The following PRKDC variants were observed in gnomAD, a reference collection of about 807,000 sequenced individuals.
The protein encoded by PRKDC is protein kinase, DNA-activated, catalytic subunit, also known as DNA-dependent protein kinase catalytic subunit.
PRKDC carries 82 observed loss-of-function variants against 486.9 expected under a neutral mutation model. The observed-to-expected ratio is 0.17, with a 90% CI of 0.14 to 0.20. PRKDC has a LOEUF of 0.20. Ranked by LOEUF, PRKDC falls within the 10% of genes least tolerant of loss-of-function variation. The pLI is 1.00. For missense variants in PRKDC, 4,504 were observed against 5,038.2 expected (o/e 0.89, Z 3.21); for synonymous variants, 1,895 against 1,837.0 (o/e 1.03, Z -0.81).
In PRKDC at chr8:47,782,416, C is replaced by T; in HGVS notation, c.11358G>A (p.Leu3786=). 6.2e-7 allele frequency: 1 copy of T among 1,603,122 alleles called. No homozygotes were observed. Among genetic ancestry groups the T allele is most frequent in the Non-Finnish European group, 8.5e-7 (1 of 1,175,550 alleles). The change falls in exon 79 of 86, where the codon CTG becomes CTA. Residue 3786 remains leucine (L), a synonymous_variant. Coordinates refer to ENST00000314191, the MANE Select transcript of PRKDC (RefSeq NM_006904.7). This position sits in a 1 kb window ranked among gnomAD's most constrained non-coding sequence, Gnocchi z 4.9. ...AQDSACSQRA[L]QLRTYSVVPM... is the part of the protein sequence containing the mutation. The stretch of plus-strand genomic sequence containing the variant: ...GCACAACGCTATAGGTCCTCAGCTG[C>T]AGGGCCCTCTGGCTGCAGGCGGAGT...
At chr8:47,856,471 C>G (rs1209646039) in intron 49 of PRKDC, among the ~76,000 whole-genome samples, 2 of 152,190 alleles carry the variant, frequency 1.3e-5, no homozygotes, top group Admixed American at 6.5e-5. Flanking sequence ...CTTAAGTGAT[C>G]TGCCTGCCTT....
At chr8:47,780,434 G>GAT (rs770551836) in intron 80 of PRKDC, among the ~76,000 whole-genome samples, 2 of 152,202 alleles carry the variant, frequency 1.3e-5, no homozygotes. Flanking sequence ...GAAACAATGT[G>GAT]ATACACGTAT....
intron 74 of PRKDC, among the ~76,000 whole-genome samples, chr8:47,791,681 T>C (rs1430872479): frequency 3.3e-5 from 5 of 152,030 alleles, no homozygotes; most frequent in African/African-American, 4.8e-5. Flanking sequence ...CACAACGAGG[T>C]ATCATCTCAC....
intron 68 of PRKDC, among the ~76,000 whole-genome samples, chr8:47,815,572 G>A (rs1422898375): frequency 1.3e-5 from 2 of 152,126 alleles, no homozygotes; most frequent in South Asian, 2.1e-4. Flanking sequence ...AAATAAATAA[G>A]GACAGTATAG....
intron 45 of PRKDC, 44 bp downstream of exon 45, chr8:47,860,855 C>T: frequency 6.2e-6 from 9 of 1,450,374 alleles, no homozygotes; most frequent in Non-Finnish European, 8.6e-6. Flanking sequence ...AACAAAATAA[C>T]CCATCGATTT....
At chr8:47,852,197 T>C (rs1423058681) in intron 52 of PRKDC, among the ~76,000 whole-genome samples, 1 of 152,170 alleles carries the variant, frequency 6.6e-6, no homozygotes, top group Non-Finnish European at 1.5e-5. Flanking sequence ...ACTTAAACGT[T>C]CAGTTAGGCT....
At chr8:47,912,067 G>A (rs1009627608) in intron 25 of PRKDC, among the ~76,000 whole-genome samples, 13 of 152,010 alleles carry the variant, frequency 8.6e-5, no homozygotes, top group Non-Finnish European at 1.3e-4. Flanking sequence ...CACCGCGCGC[G>A]GCCCATGGTT....
At chr8:47,922,312 T>G (rs1366158903) in intron 21 of PRKDC, among the ~76,000 whole-genome samples, 1 of 151,928 alleles carries the variant, frequency 6.6e-6, no homozygotes, top group African/African-American at 2.4e-5. Context: ...TTTAAAATTT[T>G]TGTAACGAAA....
chr8:47,942,769 A>G (rs1231808227), intron 10 of PRKDC, among the ~76,000 whole-genome samples: 4 of 152,224 alleles, frequency 2.6e-5, no homozygotes, highest in Admixed American at 6.5e-5. Context: ...ACGCAGGTAC[A>G]GATTCTGTAA....
chr8:47,820,693 C>CAT (rs1056039787), intron 66 of PRKDC, 26 bp downstream of exon 66: 46 of 1,118,112 alleles, frequency 4.1e-5, no homozygotes, highest in Middle Eastern at 2.8e-4. Context: ...TATATACAAG[C>CAT]ATATATATAT....
At chr8:47,958,511 A>G (rs1382278844) in intron 1 of PRKDC, among the ~76,000 whole-genome samples, 1 of 152,166 alleles carries the variant, frequency 6.6e-6, no homozygotes, top group African/African-American at 2.4e-5. Context: ...GAACTAATAC[A>G]CTTCCCCTGG....
Position 47,890,336 on chromosome 8 carries a change from T to A in PRKDC, c.3992A>T (p.Asn1331Ile). The change falls in exon 32 of 86, where the codon AAC becomes ATC. Residue 1331 changes from asparagine to isoleucine, a missense_variant. This residue lies in a region of PRKDC where 1,969 missense variants were observed against 2,068.9 expected (regional missense o/e 0.95). Coordinates refer to ENST00000314191, the MANE Select transcript of PRKDC (RefSeq NM_006904.7). ...RTSPQEGERY[N>I]YSKCTVVVRI... ...GACCACAACGGTGCATTTGCTGTAG[T>A]TGTACCTTTCTCCCTCTTGTGGGCT... The A allele has an allele frequency of 2.5e-6, 4 of 1,613,564 alleles. No homozygotes were observed. The highest frequency in any genetic ancestry group is 3.4e-6 in the Non-Finnish European group (4 of 1,179,810).
At chr8:47,909,955 C>A (rs1053023296) in intron 25 of PRKDC, among the ~76,000 whole-genome samples, 1 of 152,124 alleles carries the variant, frequency 6.6e-6, no homozygotes, top group Non-Finnish European at 1.5e-5. Context: ...TTTTGCCTTG[C>A]CTTGTGACCT....
At chr8:47,918,515 C>T (rs1341589214) in intron 21 of PRKDC, 132 bp from the exon 22 acceptor site, 9 of 573,714 alleles carry the variant, frequency 1.6e-5, no homozygotes, top group Middle Eastern at 4.5e-4. Flanking sequence ...AATTAAGTTT[C>T]TAAAACAAAA....
At chr8:47,911,772 A>AT (rs1563799847) in intron 25 of PRKDC, among the ~76,000 whole-genome samples, 2 of 151,264 alleles carry the variant, frequency 1.3e-5, no homozygotes, top group African/African-American at 2.4e-5. Flanking sequence ...TTATTTATTT[A>AT]TTTATTTTTT....
At position 47,900,437 on chromosome 8, in the gene PRKDC, C is replaced by T. The variant is rs1436331581; in HGVS notation, c.3300G>A (p.Val1100=). The T allele has an allele frequency of 1.9e-6, 3 of 1,611,178 alleles. No individual in the cohort carries two copies. In the East Asian group the frequency reaches 6.7e-5, roughly 36 times the overall value. Residue 1100 remains valine (V), a synonymous_variant, in exon 28 of 86, where the codon GTG becomes GTA. Transcript: ENST00000314191. ...REEESLVEQF[V]FEALVIYMES... is the part of the protein sequence containing the mutation. ...CCATGTATATCACCAAGGCTTCAAA[C>T]ACAAACTGTTCCACCAGAGACTCTT...
chr8:47,822,176 C>T (rs1029865118), intron 64 of PRKDC, among the ~76,000 whole-genome samples: 1 of 152,076 alleles, frequency 6.6e-6, no homozygotes, highest in Non-Finnish European at 1.5e-5. Flanking sequence ...ACCTGCAGTC[C>T]CAGCTACTTG....
chr8:47,799,223 T>C lies in PRKDC; in HGVS notation c.10284A>G (p.Glu3428=). Residue 3428 remains glutamate (E), a synonymous_variant, in exon 72 of 86, where the codon GAA becomes GAG. Transcript: ENST00000314191. The part of the protein sequence containing the change: ...DFCDQQLRKE[E]ENASVIDSAE... ...TTTTCAATTCACCTGATGCATTCTC[T>C]TCCTCCTTGCGCAGCTGTTGGTCAC... 6.2e-7 allele frequency: 1 copy of C among 1,613,882 alleles called. No homozygotes were observed. The highest frequency in any genetic ancestry group is 8.5e-7 in the Non-Finnish European group (1 of 1,179,840).
chr8:47,955,732 A>G (rs1200129552), intron 4 of PRKDC, 142 bp downstream of exon 4: 9 of 606,196 alleles, frequency 1.5e-5, no homozygotes, highest in Non-Finnish European at 2.5e-5. Flanking sequence ...ATGGTTGGAG[A>G]ATGTGCATCT....
Sources: allele counts gnomAD v4.1 joint callset (sites outside exome capture counted in the v4.1 genomes callset), GRCh38; gene constraint gnomAD v4.1.1; regional missense constraint gnomAD v4.1.1; non-coding constraint Gnocchi (gnomAD v3.1); transcripts MANE v1.5; gene names NCBI Gene and HGNC (gene_info 2026-07-23, HGNC 2026-07-21).